Variants in CALB2 observed in about 807,000 individuals in gnomAD.
CALB2 encodes the protein calbindin 2.
CALB2 carries 34 observed loss-of-function variants against 45.9 expected under a neutral mutation model. That is an observed-to-expected ratio of 0.74 (90% CI 0.56 to 0.99). CALB2 has a LOEUF of 0.99. CALB2 is among the 50% of genes least tolerant of loss of function. CALB2 has a pLI of 0.00. For synonymous variants in CALB2, 142 were observed against 129.6 expected, an observed-to-expected ratio of 1.10 and a Z score of -0.65; for missense variants, 344 against 339.3, an observed-to-expected ratio of 1.01 and a Z score of -0.11.
chr16:71,371,976 G>A (rs2052342828), intron 1 of CALB2, among the ~76,000 whole-genome samples, 177 bp from the exon 2 acceptor site: 1 of 152,152 alleles, frequency 6.6e-6, no homozygotes, highest in South Asian at 2.1e-4. Flanking sequence ...TGTTCATCTT[G>A]GATCTCTAGG....
Position 71,384,854 on chromosome 16 carries a change from C to A in CALB2, c.627+18C>A. ...ACGACAAGGTAAGAGAGGGAGTTGG[C>A]ATGGCAGGGAAAATCAGAAGCCCAT... On this transcript the variant is annotated intron_variant, in intron 9 of 10. Transcript: ENST00000302628. 1.2e-6 allele frequency: 2 copies of A among 1,609,808 alleles called. No individual in the cohort carries two copies. Among genetic ancestry groups the A allele is most frequent in the Non-Finnish European group, 1.7e-6 (2 of 1,176,684 alleles).
intron 1 of CALB2, among the ~76,000 whole-genome samples, chr16:71,366,024 C>CTT (rs1171021532): frequency 8.7e-4 from 39 of 45,062 alleles, no homozygotes; most frequent in East Asian, 1.8e-3. Flanking sequence ...CTCTCTCTCT[C>CTT]TTTTTTTTTT....
At chr16:71,366,354 A>G in intron 1 of CALB2, among the ~76,000 whole-genome samples, 1 of 62,790 alleles carries the variant, frequency 1.6e-5, no homozygotes, top group Non-Finnish European at 2.9e-5. Flanking sequence ...TGAGAGAGAG[A>G]GAGTCTCGCC....
intron 10 of CALB2, 25 bp downstream of exon 10, chr16:71,385,673 G>A (rs764207817): frequency 5.6e-6 from 9 of 1,605,878 alleles, no homozygotes; most frequent in Non-Finnish European, 6.8e-6. Context: ...CTGAGGCCCG[G>A]CCACTGTCCC....
At chr16:71,379,410 A>G (rs1429256593) in intron 4 of CALB2, among the ~76,000 whole-genome samples, 1 of 152,226 alleles carries the variant, frequency 6.6e-6, no homozygotes, top group African/African-American at 2.4e-5. Flanking sequence ...TATTCATCTG[A>G]TAAATTGAAC....
Position 71,389,999 on chromosome 16 carries a change from G to C in CALB2, c.*134G>C. On this transcript the variant is annotated 3_prime_UTR_variant, in exon 11 of 11. Transcript: ENST00000302628. ...CTGCACACACCTGCCTGCAGAGCAG[G>C]AAATGAGAGATAGAGGATGGGCAGC... 1 of 652,668 alleles carries C rather than the reference G, an allele frequency of 1.5e-6. No individual in the cohort carries two copies. Among genetic ancestry groups the C allele is most frequent in the Non-Finnish European group, 2.7e-6 (1 of 366,288 alleles). The allele number at this position is 652,668 out of a possible 1,614,324, so 40.4% of individuals were successfully genotyped here.
Position 71,374,823 on chromosome 16 carries a change from G to T in CALB2, c.250G>T (p.Glu84Ter). 2 of 1,610,698 alleles carry T rather than the reference G, an allele frequency of 1.2e-6. No individual in the cohort carries two copies. Among genetic ancestry groups the T allele is most frequent in the South Asian group, 2.2e-5 (2 of 90,896 alleles). The change falls in exon 3 of 11, where the codon GAG (glutamate) becomes TAG (stop). Residue 84 changes from glutamate to a stop codon, truncating the protein, a stop_gained. Transcript: ENST00000302628. LOFTEE classifies it high-confidence loss of function. ...TGATAAAAACTCAGATGGGAAAATCGAGATGGCAGAGGTGAGCCCTGCCTC... is the reference window on the plus strand; with the variant it reads ...TGATAAAAACTCAGATGGGAAAATCTAGATGGCAGAGGTGAGCCCTGCCTC... ...KYDKNSDGKIEMAELAQILPT... is the reference protein window; with the variant it reads ...KYDKNSDGKI
intron 4 of CALB2, among the ~76,000 whole-genome samples, chr16:71,381,604 T>C (rs1184175445): frequency 2.0e-5 from 3 of 152,060 alleles, no homozygotes; most frequent in Admixed American, 6.6e-5. Context: ...GGGGATAAGA[T>C]GTAGGAAAAG....
rs2042208895 is a variant in CALB2 at position 71,358,812 on chromosome 16, AG to A, written c.21del (p.Gln7HisfsTer10). The A allele has an allele frequency of 6.2e-7, 1 of 1,610,074 alleles. No individual in the cohort carries two copies. Among genetic ancestry groups the A allele is most frequent in the East Asian group, 2.2e-5 (1 of 44,758 alleles). Reference protein sequence around the residue: MAGPQQQPPYLHLAELT... With the variant: MAGPQQXPPYLHLAELT... ...CTCGCCATGGCTGGCCCGCAGCAGC[AG>A]CCCCCTTACCTGCACCTGGCCGAGC... On this transcript the variant is annotated frameshift_variant, in exon 1 of 11. Coordinates refer to ENST00000302628, the MANE Select transcript of CALB2 (RefSeq NM_001740.5). LOFTEE classifies it high-confidence loss of function.
chr16:71,384,744 G>C, intron 8 of CALB2, 39 bp from the exon 9 acceptor site: 1 of 1,086,528 alleles, frequency 9.2e-7, no homozygotes, highest in South Asian at 2.1e-5. Context: ...ACACACCACT[G>C]CGCTTCTGCT....
intron 1 of CALB2, among the ~76,000 whole-genome samples, chr16:71,359,541 G>A (rs2042217231): frequency 6.6e-6 from 1 of 152,138 alleles, no homozygotes; most frequent in Admixed American, 6.5e-5. Flanking sequence ...GATAATCCTG[G>A]GTACTCTTGG....
At chr16:71,382,012 C>T (rs1176468009) in intron 4 of CALB2, among the ~76,000 whole-genome samples, 1 of 74,314 alleles carries the variant, frequency 1.3e-5, no homozygotes, top group Non-Finnish European at 2.4e-5. Flanking sequence ...GACCCTGTCT[C>T]AAAAGAGGAG....
At chr16:71,377,781 T>C (rs1313328872) in intron 4 of CALB2, 34 bp downstream of exon 4, 1 of 1,511,098 alleles carries the variant, frequency 6.6e-7, no homozygotes, top group Non-Finnish European at 9.2e-7. Flanking sequence ...TTCTAAGCAC[T>C]GGGACCTGCC....
chr16:71,382,667 G>A, intron 4 of CALB2, 52 bp from the exon 5 acceptor site: 1 of 1,577,816 alleles, frequency 6.3e-7, no homozygotes, highest in Non-Finnish European at 8.7e-7. Context: ...GAAGGGAGGT[G>A]GGTAGATTTT....
At chr16:71,371,387 G>A (rs1427626133) in intron 1 of CALB2, among the ~76,000 whole-genome samples, 1 of 152,138 alleles carries the variant, frequency 6.6e-6, no homozygotes, top group Non-Finnish European at 1.5e-5. Flanking sequence ...GTTATAGCAA[G>A]GCACTACAAA....
chr16:71,382,124 A>AAGGAAGGAAGGAAAG (rs1555526523), intron 4 of CALB2, among the ~76,000 whole-genome samples: 1 of 34,372 alleles, frequency 2.9e-5, no homozygotes, highest in Non-Finnish European at 8.4e-5. Flanking sequence ...AAAGGAAGAA[A>AAGGAAGGAAGGAAAG]AAGGAAGGAA....
Position 71,377,675 on chromosome 16 carries a change from G to A in CALB2, c.270G>A (p.Gln90=), listed in dbSNP as rs553158988. The change falls in exon 4 of 11, where the codon CAG becomes CAA. Residue 90 remains glutamine, a synonymous_variant. Transcript: ENST00000302628. The part of the protein sequence containing the change: ...DGKIEMAELA[Q]ILPTEENFLL... Reference sequence around the variant, plus strand: ...TCTCTGTATCTTCACAGCTGGCGCAGATCCTGCCAACCGAAGAGAACTTCC... The same window carrying A: ...TCTCTGTATCTTCACAGCTGGCGCAAATCCTGCCAACCGAAGAGAACTTCC... 1 of 1,613,676 alleles carries A rather than the reference G, an allele frequency of 6.2e-7. No homozygotes were observed. Among genetic ancestry groups the A allele is most frequent in the Non-Finnish European group, 8.5e-7 (1 of 1,179,652 alleles).
At chr16:71,370,935 A>G (rs893857059) in intron 1 of CALB2, among the ~76,000 whole-genome samples, 3 of 152,108 alleles carry the variant, frequency 2.0e-5, no homozygotes, top group African/African-American at 7.2e-5. Flanking sequence ...ACCTCTCACT[A>G]CTTATGTGAT....
At chr16:71,368,500 C>T (rs375208704) in intron 1 of CALB2, among the ~76,000 whole-genome samples, 8 of 148,108 alleles carry the variant, frequency 5.4e-5, no homozygotes, top group Admixed American at 6.6e-5. Context: ...AGAGCAGACC[C>T]TGTCTAAAAA....
Sources: allele counts gnomAD v4.1 joint callset (sites outside exome capture counted in the v4.1 genomes callset), GRCh38; gene constraint gnomAD v4.1.1; transcripts MANE v1.5; gene names NCBI Gene and HGNC (gene_info 2026-07-23, HGNC 2026-07-21).